Variants in SFI1 observed in about 807,000 individuals in gnomAD.
The protein encoded by SFI1 is SFI1 centrin binding protein.
A neutral mutation model predicts 207.5 loss-of-function variants in SFI1; 195 were observed. That is an observed-to-expected ratio of 0.94 (90% CI 0.84 to 1.06). The LOEUF (loss-of-function observed/expected upper bound fraction) is 1.06, where lower values mean the gene tolerates loss of function less well. Among genes scored for constraint, SFI1 ranks in the 50% least tolerant of loss-of-function variants. The pLI is 0.00. For synonymous variants in SFI1, 630 were observed against 598.9 expected (o/e 1.05, Z -0.76); for missense variants, 1,634 against 1,588.0 (o/e 1.03, Z -0.49).
chr22:31,545,075 A>G (rs1424451489), intron 4 of SFI1, among the ~76,000 whole-genome samples: 1 of 152,088 alleles, frequency 6.6e-6, no homozygotes, highest in African/African-American at 2.4e-5. Context: ...AACTAAAAAA[A>G]TTTAGGGGGG....
intron 12 of SFI1, among the ~76,000 whole-genome samples, chr22:31,583,100 T>G (rs1298351554): frequency 6.6e-6 from 1 of 151,988 alleles, no homozygotes; most frequent in Non-Finnish European, 1.5e-5. Context: ...TGTATAATTT[T>G]TTTTGTTGTT....
At chr22:31,564,514 A>AT (rs1467626185) in intron 8 of SFI1, among the ~76,000 whole-genome samples, 1 of 150,966 alleles carries the variant, frequency 6.6e-6, no homozygotes, top group Non-Finnish European at 1.5e-5. Flanking sequence ...TTTTTAAGTT[A>AT]TTTTTTGGGG....
chr22:31,588,654 A>C (rs2065351456), intron 14 of SFI1, among the ~76,000 whole-genome samples: 1 of 152,132 alleles, frequency 6.6e-6, no homozygotes, highest in Non-Finnish European at 1.5e-5. Context: ...CTCTACTAAA[A>C]ATACAAAAAT....
Position 31,573,111 on chromosome 22 carries a change from G to T in SFI1, c.819G>T (p.Lys273Asn). The T allele has an allele frequency of 1.9e-6, 3 of 1,612,888 alleles. No homozygotes were observed. The highest frequency in any genetic ancestry group is 1.7e-6 in the Non-Finnish European group (2 of 1,179,954). The change falls in exon 9 of 33, where the codon AAG (lysine) becomes AAT (asparagine). Residue 273 changes from lysine to asparagine, a missense_variant. Physicochemically the swap from Lys to Asn is moderately conservative, Grantham distance 94. Transcript: ENST00000400288. ...TGTATGTCCAGAAGGAGAAACAAAA[G>T]GTTGTCTCTGCAGTGAAACATCATC... ...QLLYVQKEKQ[K>N]VVSAVKHHQH...
intron 15 of SFI1, among the ~76,000 whole-genome samples, chr22:31,597,580 A>G (rs1187771156): frequency 1.3e-5 from 2 of 152,124 alleles, no homozygotes; most frequent in Admixed American, 6.6e-5. Context: ...CATAGTCTCT[A>G]TCTCATATGG....
rs765343690 is a variant in SFI1 at position 31,618,375 on chromosome 22, C to CCTG, written c.3688_3690dup (p.Cys1230dup). The CCTG allele has an allele frequency of 2.6e-5, 41 of 1,605,662 alleles. No homozygotes were observed. The highest frequency in any genetic ancestry group is 3.5e-5 in the Non-Finnish European group (41 of 1,174,972). ...CAGGCTCAGCGCCAGCCCATTGGCGCCTGCGTTGCCCGCATCCAGGCCCTG... is the reference window on the plus strand; with the variant it reads ...CAGGCTCAGCGCCAGCCCATTGGCGCCTGCTGCGTTGCCCGCATCCAGGCCCTG... On this transcript the variant is annotated inframe_insertion, in exon 33 of 33. Coordinates refer to ENST00000400288, the MANE Select transcript of SFI1 (RefSeq NM_001007467.3).
At chr22:31,534,194 T>C (rs1025099912) in intron 4 of SFI1, among the ~76,000 whole-genome samples, 1 of 152,164 alleles carries the variant, frequency 6.6e-6, no homozygotes, top group Non-Finnish European at 1.5e-5. Flanking sequence ...GGTTTTACCA[T>C]GTTGGCCAGG....
chr22:31,497,589 A>G (rs141168262), intron 1 of SFI1, among the ~76,000 whole-genome samples: 1 of 152,152 alleles, frequency 6.6e-6, no homozygotes, highest in Non-Finnish European at 1.5e-5. Flanking sequence ...AGGCCAATTA[A>G]TAGCCCCACA....
chr22:31,615,292 C>G lies in SFI1; in HGVS notation c.3300+13C>G, dbSNP rs909231669. 2.7e-6 allele frequency: 4 copies of G among 1,474,548 alleles called. No individual in the cohort carries two copies. In the East Asian group the frequency reaches 9.4e-5, roughly 35 times the overall value. 91.3% of individuals were successfully genotyped at this position (1,474,548 alleles called of 1,614,324 possible). ...TGCACCAGCCAGGGTACGTCCTCCA[C>G]CACCAGGCCTGGGCACTGGGGCTCT... On this transcript the variant is annotated intron_variant, in intron 29 of 32. Transcript: ENST00000400288.
At chr22:31,614,473 C>A in intron 27 of SFI1, 1 of 539,794 alleles carries the variant, frequency 1.9e-6, no homozygotes, top group Non-Finnish European at 3.5e-6. Context: ...GTTTGACTGA[C>A]CTTGATGGGA....
chr22:31,560,235 C>T (rs1298805916), intron 7 of SFI1, among the ~76,000 whole-genome samples: 1 of 150,858 alleles, frequency 6.6e-6, no homozygotes. Context: ...GACTCTTTTC[C>T]TAGAGCAAAT....
Position 31,602,731 on chromosome 22 carries a change from G to A in SFI1, c.1751G>A (p.Arg584Gln), listed in dbSNP as rs762654705. 12 of 1,614,168 alleles carry A rather than the reference G, an allele frequency of 7.4e-6. No homozygotes were observed. Among genetic ancestry groups the A allele is most frequent in the East Asian group, 2.2e-5 (1 of 44,870 alleles). ...TVACAHHRHG[R>Q]LKKAFCLWRE... ...GCCTGTGCCCACCACCGCCACGGGC[G>A]GCTCAAGAAAGCTTTCTGCCTCTGG... is the stretch of plus-strand genomic sequence containing the variant. Residue 584 changes from arginine (R) to glutamine (Q), a missense_variant, in exon 17 of 33, where the codon CGG becomes CAG. Transcript: ENST00000400288.
chr22:31,593,014 A>C (rs1371175095), intron 15 of SFI1, among the ~76,000 whole-genome samples: 4 of 93,546 alleles, frequency 4.3e-5, no homozygotes, highest in South Asian at 4.1e-4. Context: ...CCCGGACGGC[A>C]CGGCTGGCCA....
chr22:31,552,428 T>C (rs2060709450), intron 6 of SFI1, among the ~76,000 whole-genome samples: 1 of 152,138 alleles, frequency 6.6e-6, no homozygotes, highest in South Asian at 2.1e-4. Context: ...AATTTTTGTA[T>C]TTTTAGTAGA....
chr22:31,610,770 G>A (rs1166956860), intron 22 of SFI1, among the ~76,000 whole-genome samples: 1 of 152,172 alleles, frequency 6.6e-6, no homozygotes. Flanking sequence ...CAGCTGAAGT[G>A]GGGGCTCCTC....
At chr22:31,542,102 A>T (rs1466493457) in intron 4 of SFI1, among the ~76,000 whole-genome samples, 122 of 10,424 alleles carry the variant, frequency 0.012, no homozygotes, top group Non-Finnish European at 0.015. Flanking sequence ...CCCCGTCTTT[A>T]AAAAAAAAAA....
Position 31,515,743 on chromosome 22 carries a change from T to TTTTTC in SFI1, c.92+7372_92+7376dup, listed in dbSNP as rs1456470888. 5.2e-4 allele frequency among the ~76,000 whole-genome samples: 78 copies of TTTTTC among 151,090 alleles called. 1 individual carries two copies. The highest frequency in any genetic ancestry group is 1.8e-3 in the African/African-American group (75 of 41,154). On this transcript the variant is annotated intron_variant, in intron 2 of 32. Coordinates refer to ENST00000400288, the MANE Select transcript of SFI1 (RefSeq NM_001007467.3). ...GTTGTGGCTTAGTACCTTTTTTTTTTTTTTCTTTTTTTGAGATGGCGTCTC... is the reference window on the plus strand; with the variant it reads ...GTTGTGGCTTAGTACCTTTTTTTTTTTTTTCTTTTCTTTTTTTGAGATGGCGTCTC...
chr22:31,589,655 T>C (rs1412059581), intron 15 of SFI1, 78 bp downstream of exon 15: 4 of 1,484,038 alleles, frequency 2.7e-6, no homozygotes, highest in African/African-American at 1.4e-5. Flanking sequence ...CCATTTGCTG[T>C]GCTTTTCAGC....
At chr22:31,520,056 G>A (rs554708718) in intron 2 of SFI1, among the ~76,000 whole-genome samples, 5 of 151,338 alleles carry the variant, frequency 3.3e-5, no homozygotes, top group African/African-American at 9.7e-5. Flanking sequence ...ATGAGCCACC[G>A]TGCCTGGCCA....
Sources: gnomAD v4.1 joint callset for allele counts (sites outside exome capture counted in the v4.1 genomes callset) on GRCh38, gnomAD v4.1.1 for gene constraint, MANE v1.5 for transcripts, NCBI Gene and HGNC (gene_info 2026-07-23, HGNC 2026-07-21) for gene names.